The following KAZN variants were observed in gnomAD, a reference collection of about 807,000 sequenced individuals.
The protein encoded by KAZN is kazrin.
A neutral mutation model predicts 87.4 loss-of-function variants in KAZN; 40 were observed. The observed-to-expected ratio is 0.46, with a 90% CI of 0.36 to 0.60. KAZN has a LOEUF of 0.60. Ranked by LOEUF, KAZN falls within the 20% of genes least tolerant of loss-of-function variation. KAZN has a pLI of 0.00. For synonymous variants in KAZN, 466 were observed against 458.3 expected (o/e 1.02, Z -0.22); for missense variants, 898 against 1,073.9 (o/e 0.84, Z 2.29).
chr1:14,802,673 G>T (rs1295867773), intron 1 of KAZN, among the ~76,000 whole-genome samples: 1 of 152,234 alleles, frequency 6.6e-6, no homozygotes, highest in East Asian at 1.9e-4. Flanking sequence ...CGGCACCGCT[G>T]TTCACAGACA....
intron 2 of KAZN, among the ~76,000 whole-genome samples, chr1:14,206,244 T>G (rs1646741579): frequency 6.6e-6 from 1 of 152,224 alleles, no homozygotes; most frequent in South Asian, 2.1e-4. Flanking sequence ...CAAAGTCAGC[T>G]GACTTTTTGT....
At chr1:13,936,958 T>A (rs528458891) in intron 1 of KAZN, among the ~76,000 whole-genome samples, 36 of 152,276 alleles carry the variant, frequency 2.4e-4, no homozygotes, top group African/African-American at 8.2e-4. Context: ...TGATTAGTGA[T>A]GTTGAGCATT....
At chr1:14,909,758 C>T (rs1390716534) in intron 1 of KAZN, among the ~76,000 whole-genome samples, 1 of 152,186 alleles carries the variant, frequency 6.6e-6, no homozygotes, top group Non-Finnish European at 1.5e-5. Flanking sequence ...TTCATAAATG[C>T]ATGATGGCCA....
At chr1:14,989,486 A>G (rs567072984) in intron 2 of KAZN, among the ~76,000 whole-genome samples, 4 of 152,332 alleles carry the variant, frequency 2.6e-5, no homozygotes, top group African/African-American at 9.6e-5. Context: ...AAAAAAAGAA[A>G]AAAGAAAAAG....
chr1:14,437,920 G>A (rs892119409), intron 2 of KAZN, among the ~76,000 whole-genome samples: 5 of 152,142 alleles, frequency 3.3e-5, no homozygotes, highest in African/African-American at 1.2e-4. Context: ...CCAGAGATGG[G>A]ATGACATGTT....
chr1:14,700,239 G>A (rs1013821005), intron 1 of KAZN, among the ~76,000 whole-genome samples: 1 of 152,164 alleles, frequency 6.6e-6, no homozygotes, highest in Non-Finnish European at 1.5e-5. Flanking sequence ...TCTTGAAAAT[G>A]TGCTGTAACT....
At chr1:14,568,707 G>A (rs1674682469) in intron 2 of KAZN, among the ~76,000 whole-genome samples, 1 of 152,216 alleles carries the variant, frequency 6.6e-6, no homozygotes, top group Admixed American at 6.5e-5. Context: ...AGCCAACTCA[G>A]CCTCTTGATA....
chr1:13,999,752 A>G (rs1419391059), intron 1 of KAZN, among the ~76,000 whole-genome samples: 1 of 152,214 alleles, frequency 6.6e-6, no homozygotes, highest in African/African-American at 2.4e-5. Flanking sequence ...CAAAGTATCA[A>G]TGAATCCAGG....
intron 1 of KAZN, among the ~76,000 whole-genome samples, chr1:13,954,343 A>G (rs943018940): frequency 6.6e-6 from 1 of 152,252 alleles, no homozygotes; most frequent in African/African-American, 2.4e-5. Context: ...TTGTTGAATT[A>G]AAACCACACT....
rs1643869825 is a variant in KAZN at position 14,735,341 on chromosome 1, T to G, written c.226+136118T>G. ...TCCCAAAGTGCTGGGATTACAGGCG[T>G]GAGCCACCGCGCCCGGCCCGTGCTG... On this transcript the variant is annotated intron_variant, in intron 1 of 14. Transcript: ENST00000376030. This position sits in a 1 kb window ranked among gnomAD's most constrained non-coding sequence, Gnocchi z 4.3. Among the ~76,000 whole-genome samples, 1 of 152,220 alleles carries G rather than the reference T, an allele frequency of 6.6e-6. No homozygotes were observed. The highest frequency in any genetic ancestry group is 1.5e-5 in the Non-Finnish European group (1 of 68,046).
At chr1:14,450,123 C>CG (rs1407127014) in intron 2 of KAZN, among the ~76,000 whole-genome samples, 1 of 150,334 alleles carries the variant, frequency 6.7e-6, no homozygotes, top group African/African-American at 2.4e-5. Flanking sequence ...GAGTGCTGCC[C>CG]CCCCGCCTGC....
At chr1:14,845,837 G>A (rs550988168) in intron 1 of KAZN, among the ~76,000 whole-genome samples, 3 of 152,246 alleles carry the variant, frequency 2.0e-5, no homozygotes, top group African/African-American at 7.2e-5. Flanking sequence ...GCTGGAGAGT[G>A]GTCAGACCTC....
intron 1 of KAZN, among the ~76,000 whole-genome samples, chr1:14,045,491 A>G (rs1398108593): frequency 6.6e-6 from 1 of 152,232 alleles, no homozygotes; most frequent in Non-Finnish European, 1.5e-5. Flanking sequence ...AATGAATATT[A>G]TATTTGCAAG....
intron 2 of KAZN, among the ~76,000 whole-genome samples, chr1:14,363,110 C>A (rs566853407): frequency 6.6e-6 from 1 of 152,256 alleles, no homozygotes; most frequent in East Asian, 1.9e-4. Context: ...CTCCAGGGAG[C>A]CATGGTTGCA....
At position 14,883,355 on chromosome 1, in the gene KAZN, A is replaced by AAAGGAAAGAAAGAAAG. The variant is rs1449958306; in HGVS notation, c.227-77327_227-77326insGGAAAGAAAGAAAGAA. ...GAGAGAGAGAGAGAAAGAAAGAAAG[A>AAAGGAAAGAAAGAAAG]AAAGAAAGAAAGAAAGAAAGAAAGA... On this transcript the variant is annotated intron_variant, in intron 1 of 14. Coordinates refer to ENST00000376030, the MANE Select transcript of KAZN (RefSeq NM_201628.3). 7.3e-4 allele frequency among the ~76,000 whole-genome samples: 15 copies of AAAGGAAAGAAAGAAAG among 20,620 alleles called. 3 individuals are homozygous for AAAGGAAAGAAAGAAAG. The highest frequency in any genetic ancestry group is 6.8e-3 in the South Asian group (2 of 294). The allele number at this position is 20,620 out of a possible 152,430, so 13.5% of individuals were successfully genotyped here.
At chr1:14,914,370 C>T (rs1657575515) in intron 1 of KAZN, among the ~76,000 whole-genome samples, 1 of 152,240 alleles carries the variant, frequency 6.6e-6, no homozygotes, top group Non-Finnish European at 1.5e-5. Context: ...CCAGCTTTGT[C>T]TTTGAACAAC....
intron 1 of KAZN, among the ~76,000 whole-genome samples, chr1:13,981,101 A>ATATATATATATATATGTATATG (rs1557760826): frequency 1.5e-5 from 2 of 131,094 alleles, no homozygotes; most frequent in African/African-American, 2.8e-5. Context: ...ATATATATAT[A>ATATATATATATATATGTATATG]TATATATATG....
intron 2 of KAZN, among the ~76,000 whole-genome samples, chr1:15,008,847 C>T (rs1041050379): frequency 5.1e-4 from 77 of 152,310 alleles, no homozygotes; most frequent in African/African-American, 1.8e-3. Flanking sequence ...ATTCCCCTGC[C>T]AGCCACAGTC....
intron 1 of KAZN, among the ~76,000 whole-genome samples, chr1:13,968,568 C>G (rs1642025732): frequency 6.6e-6 from 1 of 152,220 alleles, no homozygotes; most frequent in Non-Finnish European, 1.5e-5. Context: ...TCCATTCTGT[C>G]TTGAATCACT....
Sources: allele counts gnomAD v4.1 joint callset (sites outside exome capture counted in the v4.1 genomes callset), GRCh38; gene constraint gnomAD v4.1.1; non-coding constraint Gnocchi (gnomAD v3.1); transcripts MANE v1.5; gene names NCBI Gene and HGNC (gene_info 2026-07-23, HGNC 2026-07-21).